The following LHFPL3 variants were observed in gnomAD, a reference collection of about 807,000 sequenced individuals.
LHFPL3 encodes the protein LHFPL tetraspan subfamily member 3 protein.
LHFPL3 carries 5 observed loss-of-function variants against 19.3 expected under a neutral mutation model. The observed-to-expected ratio is 0.26, with a 90% CI of 0.14 to 0.54. The LOEUF (loss-of-function observed/expected upper bound fraction) is 0.54. Among genes scored for constraint, LHFPL3 ranks in the 20% least tolerant of loss-of-function variants. The pLI is 0.94. For synonymous variants in LHFPL3, 133 were observed against 126.2 expected, an observed-to-expected ratio of 1.05 and a Z score of -0.36; for missense variants, 249 against 307.4, an observed-to-expected ratio of 0.81 and a Z score of 1.42.
chr7:104,639,265 T>C (rs1306327300), intron 1 of LHFPL3, among the ~76,000 whole-genome samples: 3 of 152,194 alleles, frequency 2.0e-5, no homozygotes, highest in Non-Finnish European at 1.5e-5. Context: ...TCATTATTGG[T>C]CTGTTCAGGA....
At chr7:104,721,900 GTAT>G (rs1235589658) in intron 1 of LHFPL3, among the ~76,000 whole-genome samples, 1 of 152,032 alleles carries the variant, frequency 6.6e-6, no homozygotes, top group Non-Finnish European at 1.5e-5. Flanking sequence ...ATTATGATGT[GTAT>G]TATTATTATT....
At chr7:104,497,467 C>CAACT (rs1793506434) in intron 1 of LHFPL3, among the ~76,000 whole-genome samples, 1 of 151,870 alleles carries the variant, frequency 6.6e-6, no homozygotes, top group Admixed American at 6.6e-5. Flanking sequence ...ACAATAAAGC[C>CAACT]AACTGGAATC....
At chr7:104,480,332 C>T (rs1029352768) in intron 1 of LHFPL3, among the ~76,000 whole-genome samples, 6 of 152,130 alleles carry the variant, frequency 3.9e-5, no homozygotes, top group African/African-American at 7.2e-5. Context: ...TGACACCCCC[C>T]GTCCCCCCAC....
chr7:104,568,418 C>T (rs906810895), intron 1 of LHFPL3, among the ~76,000 whole-genome samples: 2 of 152,162 alleles, frequency 1.3e-5, no homozygotes, highest in Non-Finnish European at 2.9e-5. Flanking sequence ...ATGGTATGTA[C>T]TCAGTATTTG....
chr7:104,619,564 C>T (rs954163978), intron 1 of LHFPL3, among the ~76,000 whole-genome samples: 1 of 151,968 alleles, frequency 6.6e-6, no homozygotes, highest in South Asian at 2.1e-4. Context: ...TTAGTAGAAC[C>T]CTACCTATTT....
At chr7:104,580,079 A>G (rs144475631) in intron 1 of LHFPL3, among the ~76,000 whole-genome samples, 12 of 152,338 alleles carry the variant, frequency 7.9e-5, no homozygotes, top group South Asian at 6.2e-4. Flanking sequence ...ATACCTAGCA[A>G]TGTACTTGCA....
intron 1 of LHFPL3, among the ~76,000 whole-genome samples, chr7:104,341,840 G>C (rs1473651558): frequency 2.6e-5 from 4 of 152,096 alleles, no homozygotes; most frequent in Admixed American, 2.6e-4. Context: ...GACACTGCCT[G>C]TAGGATGATA....
intron 1 of LHFPL3, among the ~76,000 whole-genome samples, chr7:104,628,395 T>C (rs1791583454): frequency 6.6e-6 from 1 of 152,178 alleles, no homozygotes; most frequent in South Asian, 2.1e-4. Flanking sequence ...CTGACATACA[T>C]AATCCTCAGA....
chr7:104,754,454 C>A (rs189686059), intron 2 of LHFPL3, among the ~76,000 whole-genome samples: 3 of 152,136 alleles, frequency 2.0e-5, no homozygotes, highest in Non-Finnish European at 4.4e-5. Flanking sequence ...TTGTTGTCAG[C>A]CTGCCTGGAT....
At chr7:104,702,279 G>T (rs1182470960) in intron 1 of LHFPL3, among the ~76,000 whole-genome samples, 1 of 152,148 alleles carries the variant, frequency 6.6e-6, no homozygotes, top group East Asian at 1.9e-4. Context: ...TCATCTGTGT[G>T]CCAGGAAAAA....
chr7:104,400,134 A>AACAAAAACAAC (rs1791284623), intron 1 of LHFPL3, among the ~76,000 whole-genome samples: 2 of 135,626 alleles, frequency 1.5e-5, no homozygotes, highest in African/African-American at 5.8e-5. Flanking sequence ...AAAAAAAAAA[A>AACAAAAACAAC]AAAAAAAAAA....
At chr7:104,419,579 ATAGAT>A (rs1791687488) in intron 1 of LHFPL3, among the ~76,000 whole-genome samples, 1 of 152,198 alleles carries the variant, frequency 6.6e-6, no homozygotes, top group Non-Finnish European at 1.5e-5. Context: ...TATAAGAGAA[ATAGAT>A]CTGAGGAGGA....
chr7:104,595,010 T>C (rs918907590), intron 1 of LHFPL3, among the ~76,000 whole-genome samples: 1 of 152,170 alleles, frequency 6.6e-6, no homozygotes, highest in African/African-American at 2.4e-5. Context: ...GAGAAGTTTG[T>C]TATTACCGAC....
At chr7:104,480,501 A>G (rs1287375092) in intron 1 of LHFPL3, among the ~76,000 whole-genome samples, 1 of 152,184 alleles carries the variant, frequency 6.6e-6, no homozygotes, top group Non-Finnish European at 1.5e-5. Context: ...TACTTGAAAA[A>G]TTGGTGTGGA....
At chr7:104,889,412 G>A (rs141795091) in intron 2 of LHFPL3, among the ~76,000 whole-genome samples, 57 of 152,328 alleles carry the variant, frequency 3.7e-4, no homozygotes, top group African/African-American at 1.3e-3. Context: ...GGCCGAGGCA[G>A]GTGGATCACT....
At chr7:104,406,584 T>C (rs1791416988) in intron 1 of LHFPL3, among the ~76,000 whole-genome samples, 1 of 152,216 alleles carries the variant, frequency 6.6e-6, no homozygotes, top group Non-Finnish European at 1.5e-5. Flanking sequence ...AACCCGGGTC[T>C]TCTGATCCCA....
At chr7:104,456,163 A>AC (rs1330149848) in intron 1 of LHFPL3, among the ~76,000 whole-genome samples, 2 of 152,188 alleles carry the variant, frequency 1.3e-5, no homozygotes, top group Admixed American at 6.6e-5. Context: ...CTATGTATAT[A>AC]CCTTTAATTT....
chr7:104,499,231 T>C lies in LHFPL3; in HGVS notation c.445+170007T>C, dbSNP rs78016941. ...TAGTTTTCACTTTGCCATCAACCTG[T>C]TGGGTAATGTTAGAAACACCACTTA... On this transcript the variant is annotated intron_variant, in intron 1 of 2. Transcript: ENST00000424859. 5.3e-3 allele frequency among the ~76,000 whole-genome samples: 813 copies of C among 152,328 alleles called. 12 individuals are homozygous for C. The highest frequency in any genetic ancestry group is 0.019 in the African/African-American group (784 of 41,568).
intron 1 of LHFPL3, among the ~76,000 whole-genome samples, chr7:104,681,751 A>G (rs1272128045): frequency 2.0e-5 from 3 of 152,338 alleles, no homozygotes; most frequent in South Asian, 2.1e-4. Flanking sequence ...CCTAAATCAC[A>G]TAGGTAGCAA....
Sources: gnomAD v4.1 joint callset for allele counts (sites outside exome capture counted in the v4.1 genomes callset) on GRCh38, gnomAD v4.1.1 for gene constraint, MANE v1.5 for transcripts, NCBI Gene and HGNC (gene_info 2026-07-23, HGNC 2026-07-21) for gene names.